The following P2RY8 variants were observed in gnomAD, a reference collection of about 807,000 sequenced individuals.
P2RY8 encodes the protein P2Y receptor family member 8, also known as S-geranylgeranyl-glutathione receptor P2RY8.
Under a neutral mutation model 10.0 loss-of-function variants are expected in P2RY8, and 6 were observed. The observed-to-expected ratio is 0.60, with a 90% CI of 0.33 to 1.19. P2RY8 has a LOEUF of 1.19. Ranked by LOEUF, P2RY8 falls within the 50% of genes most tolerant of loss-of-function variation. P2RY8 has a pLI of 0.04. For synonymous variants in P2RY8, 276 were observed against 252.5 expected, an observed-to-expected ratio of 1.09 and a Z score of -0.88; for missense variants, 456 against 542.0, an observed-to-expected ratio of 0.84 and a Z score of 1.58.
chrX:1,479,881 A>G (rs771932075), intron 1 of P2RY8, among the ~76,000 whole-genome samples: 2 of 152,328 alleles, frequency 1.3e-5, no homozygotes, highest in South Asian at 4.1e-4. Context: ...TGCCCATAAA[A>G]TTGATCACCT....
chrX:1,466,612 GT>G, intron 1 of P2RY8, 30 bp from the exon 2 acceptor site: 1 of 1,544,274 alleles, frequency 6.5e-7, no homozygotes, highest in South Asian at 1.2e-5. Context: ...GGGTGTACGG[GT>G]CAGGGGCGCA....
intron 1 of P2RY8, among the ~76,000 whole-genome samples, chrX:1,509,741 G>GTATCTATC (rs771117216): frequency 2.6e-5 from 1 of 39,012 alleles, no homozygotes; most frequent in Admixed American, 2.1e-4. Flanking sequence ...ATCTATCTAT[G>GTATCTATC]TATCTATCTG....
Position 1,528,907 on chromosome X carries a change from G to C in P2RY8, c.-25+8014C>G, listed in dbSNP as rs753385915. Among the ~76,000 whole-genome samples, 3 of 152,294 alleles carry C rather than the reference G, an allele frequency of 2.0e-5. No homozygotes were observed. The South Asian group carries it at 6.2e-4, about 32-fold the overall frequency. On this transcript the variant is annotated intron_variant, in intron 1 of 1. Coordinates refer to ENST00000381297, the MANE Select transcript of P2RY8 (RefSeq NM_178129.5). ...ATGAGTTGGATTTGAGTCTCTTTGA[G>C]TGTGGATTGGAGTCTCTGAATGTGC... is the stretch of plus-strand genomic sequence containing the variant.
chrX:1,501,362 GTATT>G, intron 1 of P2RY8, among the ~76,000 whole-genome samples: 1 of 152,146 alleles, frequency 6.6e-6, no homozygotes, highest in African/African-American at 2.4e-5. Flanking sequence ...TCGTTTTTCT[GTATT>G]TATTTATGGA....
chrX:1,480,981 T>G (rs2091928415), intron 1 of P2RY8, among the ~76,000 whole-genome samples: 1 of 150,432 alleles, frequency 6.6e-6, no homozygotes, highest in South Asian at 2.1e-4. Context: ...CTACGAAAAA[T>G]CACTCCATGT....
chrX:1,497,361 C>G (rs1317855269), intron 1 of P2RY8, among the ~76,000 whole-genome samples: 2 of 149,070 alleles, frequency 1.3e-5, no homozygotes, highest in Non-Finnish European at 3.0e-5. Context: ...ACTCTGTGGC[C>G]CAAGCTGGAG....
chrX:1,478,249 A>ATGTGTG (rs745819761), intron 1 of P2RY8, among the ~76,000 whole-genome samples: 25 of 148,460 alleles, frequency 1.7e-4, no homozygotes, highest in African/African-American at 5.0e-4. Flanking sequence ...TGGCAGGCGT[A>ATGTGTG]TGTGTGTGTG....
chrX:1,491,248 C>T (rs2092045846), intron 1 of P2RY8, among the ~76,000 whole-genome samples: 1 of 151,852 alleles, frequency 6.6e-6, no homozygotes, highest in Non-Finnish European at 1.5e-5. Flanking sequence ...GAATGATACC[C>T]CAGATTCACT....
At chrX:1,481,237 C>T (rs1312572247) in intron 1 of P2RY8, among the ~76,000 whole-genome samples, 3 of 151,834 alleles carry the variant, frequency 2.0e-5, no homozygotes, top group Non-Finnish European at 4.4e-5. Context: ...GGCACAACGT[C>T]GGCTCCCTGC....
intron 1 of P2RY8, among the ~76,000 whole-genome samples, chrX:1,525,341 G>C (rs2092432791): frequency 1.3e-5 from 2 of 152,286 alleles, no homozygotes; most frequent in South Asian, 4.1e-4. Flanking sequence ...CTGCATTTGG[G>C]TGGGGACTTA....
rs771597613 is a variant in P2RY8 at position 1,535,056 on chromosome X, T to C, written c.-25+1865A>G. Among the ~76,000 whole-genome samples the C allele has an allele frequency of 3.3e-5, 5 of 152,182 alleles. No homozygotes were observed. In the East Asian group the frequency reaches 7.7e-4, roughly 24 times the overall value. On this transcript the variant is annotated intron_variant, in intron 1 of 1. Transcript: ENST00000381297. Reference sequence around the variant, plus strand: ...ACGCCTCTCTCAGCCTCTGACCTAATTGTCCTCTTGTGGGGTGGGGGAGGC... The same window carrying C: ...ACGCCTCTCTCAGCCTCTGACCTAACTGTCCTCTTGTGGGGTGGGGGAGGC...
At chrX:1,477,759 T>A (rs1231885487) in intron 1 of P2RY8, among the ~76,000 whole-genome samples, 5 of 152,146 alleles carry the variant, frequency 3.3e-5, no homozygotes, top group Non-Finnish European at 7.4e-5. Context: ...CTGAGAAACC[T>A]GCCCTCAAGC....
intron 1 of P2RY8, among the ~76,000 whole-genome samples, chrX:1,531,068 G>GTCTATCTGTCTATCTATCTATCTA: frequency 6.7e-6 from 1 of 149,928 alleles, no homozygotes; most frequent in East Asian, 2.0e-4. Context: ...CTGTCTGTCT[G>GTCTATCTGTCTATCTATCTATCTA]TCTATCTATC....
intron 1 of P2RY8, among the ~76,000 whole-genome samples, chrX:1,495,159 A>G (rs1400663284): frequency 6.6e-6 from 1 of 152,154 alleles, no homozygotes. Flanking sequence ...ACTGCACTCC[A>G]GCCTGGGTGA....
At chrX:1,485,450 C>A (rs1365296323) in intron 1 of P2RY8, among the ~76,000 whole-genome samples, 2 of 151,878 alleles carry the variant, frequency 1.3e-5, no homozygotes, top group African/African-American at 4.8e-5. Context: ...CTTAATGATG[C>A]CTTACTGTAA....
intron 1 of P2RY8, among the ~76,000 whole-genome samples, chrX:1,511,678 C>A (rs1276107612): frequency 1.3e-5 from 2 of 152,100 alleles, no homozygotes; most frequent in African/African-American, 2.4e-5. Context: ...AGCCACCTTG[C>A]CCAACCAATC....
chrX:1,484,856 ACC>A, intron 1 of P2RY8, among the ~76,000 whole-genome samples: 1 of 151,348 alleles, frequency 6.6e-6, no homozygotes, highest in South Asian at 2.1e-4. Flanking sequence ...TCCAAAAATC[ACC>A]TGGTGTGTCC....
At chrX:1,484,920 A>T (rs2091973592) in intron 1 of P2RY8, among the ~76,000 whole-genome samples, 1 of 150,014 alleles carries the variant, frequency 6.7e-6, no homozygotes, top group South Asian at 2.1e-4. Flanking sequence ...TAAAAGCTGG[A>T]GACAAATAAA....
chrX:1,466,477 C>A lies in P2RY8; in HGVS notation c.82G>T (p.Val28Leu). 1 of 1,611,934 alleles carries A rather than the reference C, an allele frequency of 6.2e-7. No individual in the cohort carries two copies. The highest frequency in any genetic ancestry group is 8.5e-7 in the Non-Finnish European group (1 of 1,179,814). Reference sequence around the variant, plus strand: ...ACCGCCGCCACCAGCGAGTACACCACGGGCAGGGCCACCGCGATCGCCGGG... The same window carrying A: ...ACCGCCGCCACCAGCGAGTACACCAAGGGCAGGGCCACCGCGATCGCCGGG... Reference protein sequence around the residue: ...RNPAIAVALPVVYSLVAAVSI... With the variant: ...RNPAIAVALPLVYSLVAAVSI... Residue 28 changes from valine to leucine, a missense_variant, in exon 2 of 2, where the codon GTG (valine) becomes TTG (leucine). Val to Leu is a conservative substitution (Grantham distance 32). Transcript: ENST00000381297.
Sources: allele counts gnomAD v4.1 joint callset (sites outside exome capture counted in the v4.1 genomes callset), GRCh38; gene constraint gnomAD v4.1.1; transcripts MANE v1.5; gene names NCBI Gene and HGNC (gene_info 2026-07-23, HGNC 2026-07-21).